SH2B2: variants seen among roughly 807,000 people sequenced by gnomAD.
The protein encoded by SH2B2 is SH2B adaptor protein 2.
SH2B2 carries 37 observed loss-of-function variants against 35.7 expected under a neutral mutation model. The ratio of observed to expected loss-of-function variants is 1.04; its 90% CI spans 0.80 to 1.36. SH2B2 has a LOEUF of 1.36. Among genes scored for constraint, SH2B2 ranks in the 40% most tolerant of loss-of-function variants. The pLI is 0.00. For synonymous variants in SH2B2, 383 were observed against 376.4 expected (o/e 1.02, Z -0.20); for missense variants, 852 against 817.7 (o/e 1.04, Z -0.51).
intron 1 of SH2B2, among the ~76,000 whole-genome samples, chr7:102,296,335 A>T (rs1334219529): frequency 6.6e-6 from 1 of 152,130 alleles, no homozygotes; most frequent in African/African-American, 2.4e-5. Flanking sequence ...GCTGCGAGGG[A>T]GGGGCATTCC....
intron 1 of SH2B2, 91 bp from the exon 2 acceptor site, chr7:102,300,431 C>A (rs1793099593): frequency 7.0e-7 from 1 of 1,420,184 alleles, no homozygotes; most frequent in South Asian, 1.5e-5. Flanking sequence ...CCCACACAGC[C>A]CCAGAGAGTC....
intron 1 of SH2B2, among the ~76,000 whole-genome samples, chr7:102,287,865 C>G (rs1164973737): frequency 6.6e-6 from 1 of 152,204 alleles, no homozygotes; most frequent in African/African-American, 2.4e-5. Flanking sequence ...TGACTGGAGC[C>G]TCTCAGGAGC....
At chr7:102,310,161 C>T (rs1424327725) in intron 4 of SH2B2, among the ~76,000 whole-genome samples, 1 of 151,888 alleles carries the variant, frequency 6.6e-6, no homozygotes, top group African/African-American at 2.4e-5. Context: ...ACTAAAAATA[C>T]AAAAATTAGC....
At chr7:102,302,116 C>G (rs1554554059) in intron 2 of SH2B2, among the ~76,000 whole-genome samples, 3 of 152,240 alleles carry the variant, frequency 2.0e-5, no homozygotes. Context: ...CCACCTTGGC[C>G]TCCCAAAGTG....
At chr7:102,291,269 G>T (rs1387842254) in intron 1 of SH2B2, among the ~76,000 whole-genome samples, 1 of 152,214 alleles carries the variant, frequency 6.6e-6, no homozygotes, top group East Asian at 1.9e-4. Context: ...CAGCAGAAGG[G>T]CTCCCACCCT....
intron 2 of SH2B2, among the ~76,000 whole-genome samples, chr7:102,302,807 A>G (rs2132965064): frequency 6.6e-6 from 1 of 152,328 alleles, no homozygotes; most frequent in East Asian, 1.9e-4. Flanking sequence ...AGTCCAAGCT[A>G]CTTGGGAGGC....
chr7:102,308,830 G>C lies in SH2B2; in HGVS notation c.847G>C (p.Glu283Gln). 1.9e-6 allele frequency: 3 copies of C among 1,613,612 alleles called. No homozygotes were observed. The highest frequency in any genetic ancestry group is 2.5e-6 in the Non-Finnish European group (3 of 1,179,784). ...TCCTCCCCAGGTAGAGAATGGAGCCGAATACATCTTGGAGACCATCGACTC... is the reference window on the plus strand; with the variant it reads ...TCCTCCCCAGGTAGAGAATGGAGCCCAATACATCTTGGAGACCATCGACTC... ...TFVLKVENGA[E>Q]YILETIDSLQ... The change falls in exon 4 of 9, where the codon GAA becomes CAA. Residue 283 changes from glutamate (E) to glutamine (Q), a missense_variant. Physicochemically the swap from Glu to Gln is conservative, Grantham distance 29. Coordinates refer to ENST00000444095, the MANE Select transcript of SH2B2 (RefSeq NM_001359228.2).
chr7:102,304,363 C>T (rs1432867843), intron 2 of SH2B2, among the ~76,000 whole-genome samples: 1 of 152,194 alleles, frequency 6.6e-6, no homozygotes, highest in Non-Finnish European at 1.5e-5. Context: ...CCCTCATTGC[C>T]CTATGCCAGG....
chr7:102,302,997 G>C (rs1793250019), intron 2 of SH2B2, among the ~76,000 whole-genome samples: 1 of 152,152 alleles, frequency 6.6e-6, no homozygotes, highest in African/African-American at 2.4e-5. Flanking sequence ...ACTTTGGGAG[G>C]CCGAGGCAGG....
chr7:102,299,497 G>C (rs868989827), intron 1 of SH2B2, among the ~76,000 whole-genome samples: 8 of 152,032 alleles, frequency 5.3e-5, no homozygotes, highest in Non-Finnish European at 1.0e-4. Context: ...GCACATGGCA[G>C]TCTTGAGTTT....
intron 6 of SH2B2, among the ~76,000 whole-genome samples, chr7:102,315,167 C>A (rs1455159304): frequency 6.7e-6 from 1 of 148,274 alleles, no homozygotes; most frequent in African/African-American, 2.5e-5. Context: ...CCAGCCTGGG[C>A]GACAGAGTGA....
At chr7:102,287,784 G>T (rs1792513889) in intron 1 of SH2B2, among the ~76,000 whole-genome samples, 1 of 152,206 alleles carries the variant, frequency 6.6e-6, no homozygotes, top group South Asian at 2.1e-4. Context: ...GCTGAAGCCG[G>T]GCAGAGGCAG....
chr7:102,300,422 C>A (rs1703859812), intron 1 of SH2B2, 100 bp from the exon 2 acceptor site: 1 of 1,351,178 alleles, frequency 7.4e-7, no homozygotes, highest in Middle Eastern at 1.9e-4. Flanking sequence ...ACACACACAC[C>A]CACACAGCCC....
intron 1 of SH2B2, among the ~76,000 whole-genome samples, chr7:102,298,661 C>T (rs1554552930): frequency 6.6e-6 from 1 of 152,076 alleles, no homozygotes. Context: ...CTCACTGTAG[C>T]CTCAACCTTC....
At chr7:102,314,457 G>T in intron 5 of SH2B2, 30 bp downstream of exon 5, 1 of 398,748 alleles carries the variant, frequency 2.5e-6, no homozygotes, top group Non-Finnish European at 4.4e-6. Context: ...TGAAGGAGGG[G>T]CACACTCAGG....
intron 1 of SH2B2, among the ~76,000 whole-genome samples, 189 bp downstream of exon 1, chr7:102,287,283 C>T (rs1159941810): frequency 6.6e-6 from 1 of 152,008 alleles, no homozygotes; most frequent in Non-Finnish European, 1.5e-5. Flanking sequence ...GGGGAGGCGC[C>T]CCCGGCTGGG....
In SH2B2 at chr7:102,312,702, C is replaced by CT. The variant is rs1162960339; in HGVS notation, c.924-1625dup. Among the ~76,000 whole-genome samples, 425 of 151,544 alleles carry CT rather than the reference C, an allele frequency of 2.8e-3. 2 individuals are homozygous for CT. Among genetic ancestry groups the CT allele is most frequent in the South Asian group, 4.8e-3 (23 of 4,780 alleles). On this transcript the variant is annotated intron_variant, in intron 4 of 8. Coordinates refer to ENST00000444095, the MANE Select transcript of SH2B2 (RefSeq NM_001359228.2). ...GTTTCTTTCTTTCCTTTTGTTTTTACTTTTTTTTTCTGCTCCGTTGCCCAA... is the reference window on the plus strand; with the variant it reads ...GTTTCTTTCTTTCCTTTTGTTTTTACTTTTTTTTTTCTGCTCCGTTGCCCAA...
intron 7 of SH2B2, among the ~76,000 whole-genome samples, chr7:102,319,046 A>G (rs1793961096): frequency 6.6e-6 from 1 of 152,112 alleles, no homozygotes; most frequent in Admixed American, 6.5e-5. Flanking sequence ...CAGAGTGGAG[A>G]TGACTGCCCC....
chr7:102,317,420 G>T, intron 7 of SH2B2, 25 bp downstream of exon 7: 1 of 1,534,732 alleles, frequency 6.5e-7, no homozygotes, highest in Non-Finnish European at 8.8e-7. Context: ...GGCGCCATGG[G>T]GGTGCAGTGG....
Sources: allele counts gnomAD v4.1 joint callset (sites outside exome capture counted in the v4.1 genomes callset), GRCh38; gene constraint gnomAD v4.1.1; transcripts MANE v1.5; gene names NCBI Gene and HGNC (gene_info 2026-07-23, HGNC 2026-07-21).